ZNF705A: variants seen among roughly 807,000 people sequenced by gnomAD.
The protein encoded by ZNF705A is zinc finger protein 705A.
ZNF705A carries 8 observed loss-of-function variants against 16.6 expected under a neutral mutation model. The observed-to-expected ratio is 0.48, with a 90% CI of 0.28 to 0.87. ZNF705A has a LOEUF of 0.87. ZNF705A is among the 40% of genes least tolerant of loss of function. The pLI is 0.10. For missense variants in ZNF705A, 233 were observed against 359.9 expected, an observed-to-expected ratio of 0.65 and a Z score of 2.85; for synonymous variants, 73 against 117.3, an observed-to-expected ratio of 0.62 and a Z score of 2.44.
intron 1 of ZNF705A, among the ~76,000 whole-genome samples, chr12:8,173,324 AAATAT>A (rs1223308849): frequency 6.6e-6 from 1 of 152,250 alleles, no homozygotes; most frequent in East Asian, 1.9e-4. Context: ...AACATATAAG[AAATAT>A]AATTATTTAA....
chr12:8,180,019 C>T (rs1948519523), exon 5 of ZNF705A: 1 of 152,214 alleles, frequency 6.6e-6, no homozygotes, highest in African/African-American at 2.4e-5. Flanking sequence ...TTATTTCCAT[C>T]TTCTTCAATT....
intron 4 of ZNF705A, 137 bp from the exon 6 acceptor site, chr12:8,176,862 C>T: frequency 1.5e-6 from 2 of 1,360,316 alleles, no homozygotes; most frequent in Non-Finnish European, 2.0e-6. Flanking sequence ...ATTTAATTTC[C>T]TTTCACACAA....
At chr12:8,158,993 T>A (rs1445762357) in intron 1 of ZNF705A, among the ~76,000 whole-genome samples, 1 of 152,074 alleles carries the variant, frequency 6.6e-6, no homozygotes, top group Non-Finnish European at 1.5e-5. Context: ...GTCCCCAAAG[T>A]CCATTGTATC....
intron 1 of ZNF705A, among the ~76,000 whole-genome samples, chr12:8,163,482 T>A (rs193118769): frequency 6.6e-6 from 1 of 152,330 alleles, no homozygotes; most frequent in Admixed American, 6.5e-5. Flanking sequence ...TTTCATTGCT[T>A]ATTATTTCAT....
upstream of ZNF705A, among the ~76,000 whole-genome samples, chr12:8,172,251 TC>T (rs1371417582): frequency 6.6e-6 from 1 of 151,336 alleles, no homozygotes; most frequent in Non-Finnish European, 1.5e-5. Context: ...GAGTCAGGGA[TC>T]CCTGTGTTTT....
At chr12:8,169,622 A>G (rs1184082012), upstream of ZNF705A, among the ~76,000 whole-genome samples, 2 of 152,098 alleles carry the variant, frequency 1.3e-5, no homozygotes, top group African/African-American at 4.8e-5. Flanking sequence ...AAATAATAGC[A>G]CTCTTCGAGA....
chr12:8,174,884 T>C (rs1457476902), intron 2 of ZNF705A, among the ~76,000 whole-genome samples: 1 of 152,002 alleles, frequency 6.6e-6, no homozygotes, highest in Non-Finnish European at 1.5e-5. Flanking sequence ...TTTTTTTTTG[T>C]TCTGTGTGAG....
chr12:8,160,610 T>C (rs1187464997), intron 1 of ZNF705A, among the ~76,000 whole-genome samples: 2 of 151,794 alleles, frequency 1.3e-5, no homozygotes, highest in Non-Finnish European at 1.5e-5. Context: ...GTTAAGTTCT[T>C]GATTTGGTTC....
chr12:8,165,168 T>G (rs1364213403), intron 1 of ZNF705A, among the ~76,000 whole-genome samples: 1 of 152,172 alleles, frequency 6.6e-6, no homozygotes, highest in Non-Finnish European at 1.5e-5. Flanking sequence ...TATTTCATGG[T>G]GGTTTTTATT....
chr12:8,160,892 T>G (rs1948349529), intron 1 of ZNF705A, among the ~76,000 whole-genome samples: 1 of 152,174 alleles, frequency 6.6e-6, no homozygotes. Flanking sequence ...GTGTGCATCC[T>G]TGTCTTGTTC....
chr12:8,177,428 C>T (rs780904063), exon 5 of ZNF705A: 1 of 1,612,048 alleles, frequency 6.2e-7, no homozygotes, highest in South Asian at 1.1e-5. Flanking sequence ...TGAGAGAACT[C>T]ACCTTGGAAA....
exon 5 of ZNF705A, chr12:8,179,768 A>T (rs925533185): frequency 6.6e-6 from 1 of 152,146 alleles, no homozygotes; most frequent in Non-Finnish European, 1.5e-5. Context: ...TTATTGTTTA[A>T]TCTATTTAAT....
intron 4 of ZNF705A, among the ~76,000 whole-genome samples, chr12:8,176,674 G>A (rs1226321418): frequency 1.3e-5 from 2 of 152,140 alleles, no homozygotes; most frequent in Non-Finnish European, 2.9e-5. Flanking sequence ...AGTTTGCATT[G>A]CCATGGTGTA....
upstream of ZNF705A, among the ~76,000 whole-genome samples, chr12:8,170,184 T>TCC (rs35676407): frequency 6.1e-5 from 4 of 65,990 alleles, no homozygotes; most frequent in South Asian, 4.7e-4. Context: ...AGCGAAACTC[T>TCC]CCCCCCCCCC....
chr12:8,171,732 A>G (rs1450829981), upstream of ZNF705A, among the ~76,000 whole-genome samples: 3 of 125,028 alleles, frequency 2.4e-5, no homozygotes, highest in African/African-American at 8.0e-5. Flanking sequence ...GATTACCCCC[A>G]TCCTAAAACA....
At chr12:8,167,719 C>A (rs766597315), upstream of ZNF705A, among the ~76,000 whole-genome samples, 49 of 152,304 alleles carry the variant, frequency 3.2e-4, no homozygotes, top group South Asian at 9.5e-3. Context: ...CAGTTACTGG[C>A]AGCATATCTG....
chr12:8,157,159 C>G (rs752168029), intron 1 of ZNF705A, 67 bp downstream of exon 1: 14 of 396,512 alleles, frequency 3.5e-5, no homozygotes, highest in African/African-American at 2.9e-4. Context: ...AGCTTGTTCT[C>G]TGTTATGAAT....
exon 5 of ZNF705A, chr12:8,179,777 A>C (rs1052571572): frequency 1.3e-5 from 2 of 152,320 alleles, no homozygotes; most frequent in African/African-American, 4.8e-5. Context: ...AATCTATTTA[A>C]TTAAATATGT....
At chr12:8,173,636 T>C (rs1948462634) in intron 1 of ZNF705A, among the ~76,000 whole-genome samples, 1 of 152,244 alleles carries the variant, frequency 6.6e-6, no homozygotes, top group Non-Finnish European at 1.5e-5. Flanking sequence ...TTAAGCCTTG[T>C]CATGAACACC....
Sources: gnomAD v4.1 joint callset for allele counts (sites outside exome capture counted in the v4.1 genomes callset) on GRCh38, gnomAD v4.1.1 for gene constraint, MANE v1.5 for transcripts, NCBI Gene and HGNC (gene_info 2026-07-23, HGNC 2026-07-21) for gene names.